RALGAPA2: variants seen among roughly 807,000 people sequenced by gnomAD.
RALGAPA2 encodes the protein ral GTPase-activating protein subunit alpha-2.
A neutral mutation model predicts 230.4 loss-of-function variants in RALGAPA2; 139 were observed. That is an observed-to-expected ratio of 0.60 (90% CI 0.53 to 0.69). The LOEUF (loss-of-function observed/expected upper bound fraction) is 0.69, where lower values mean the gene tolerates loss of function less well. RALGAPA2 is among the 30% of genes least tolerant of loss of function. RALGAPA2 has a pLI of 0.00. For synonymous variants in RALGAPA2, 847 were observed against 837.8 expected, an observed-to-expected ratio of 1.01 and a Z score of -0.19; for missense variants, 2,163 against 2,276.0, an observed-to-expected ratio of 0.95 and a Z score of 1.01.
chr20:20,549,674 C>T (rs892534541), intron 23 of RALGAPA2, among the ~76,000 whole-genome samples: 2 of 152,142 alleles, frequency 1.3e-5, no homozygotes, highest in Non-Finnish European at 2.9e-5. Context: ...GGAATAACCA[C>T]GTGGTACTCA....
intron 18 of RALGAPA2, among the ~76,000 whole-genome samples, 177 bp downstream of exon 18, chr20:20,589,091 G>A (rs920389848): frequency 2.0e-5 from 3 of 152,048 alleles, no homozygotes; most frequent in Non-Finnish European, 4.4e-5. Context: ...TAATGTGACT[G>A]TAATTTTACA....
intron 23 of RALGAPA2, among the ~76,000 whole-genome samples, chr20:20,570,551 T>C (rs1248589835): frequency 6.6e-6 from 1 of 152,220 alleles, no homozygotes; most frequent in Non-Finnish European, 1.5e-5. Context: ...TAAGAAAACC[T>C]AGTAATAAAA....
chr20:20,514,453 C>A (rs370325347), intron 31 of RALGAPA2, among the ~76,000 whole-genome samples: 1 of 151,882 alleles, frequency 6.6e-6, no homozygotes, highest in South Asian at 2.1e-4. Context: ...CCTCCTCTGC[C>A]GAGATCCTGG....
chr20:20,499,805 C>A (rs569248389), intron 35 of RALGAPA2, among the ~76,000 whole-genome samples: 1 of 152,288 alleles, frequency 6.6e-6, no homozygotes, highest in East Asian at 1.9e-4. Flanking sequence ...GTAATTGGGC[C>A]ATGACTTGAG....
chr20:20,515,576 G>A (rs1024622543), intron 31 of RALGAPA2, among the ~76,000 whole-genome samples: 1 of 152,220 alleles, frequency 6.6e-6, no homozygotes, highest in African/African-American at 2.4e-5. Flanking sequence ...GGTCATGGGA[G>A]AAGGCCTTAA....
intron 1 of RALGAPA2, among the ~76,000 whole-genome samples, chr20:20,688,657 C>T (rs1386319108): frequency 1.3e-5 from 2 of 152,156 alleles, no homozygotes; most frequent in African/African-American, 2.4e-5. Context: ...TCAGTCTCCC[C>T]GACCAGACTG....
Position 20,512,662 on chromosome 20 carries a change from A to G in RALGAPA2, c.4707T>C (p.Ala1569=). Residue 1569 remains alanine, a synonymous_variant, in exon 32 of 40, where the codon GCT becomes GCC. Coordinates refer to ENST00000202677, the MANE Select transcript of RALGAPA2 (RefSeq NM_020343.4). The part of the protein sequence containing the change: ...EIIEVILRQN[A]QEDEYIQSHN... ...GACTCTGGATATACTCATCCTCTTGAGCATTTTGGCGCAAAATGACCTCAA... is the reference window on the plus strand; with the variant it reads ...GACTCTGGATATACTCATCCTCTTGGGCATTTTGGCGCAAAATGACCTCAA... 6.2e-7 allele frequency: 1 copy of G among 1,613,954 alleles called. No individual in the cohort carries two copies. Among genetic ancestry groups the G allele is most frequent in the Non-Finnish European group, 8.5e-7 (1 of 1,179,886 alleles).
At chr20:20,689,591 G>A (rs750997082) in intron 1 of RALGAPA2, among the ~76,000 whole-genome samples, 39 of 152,184 alleles carry the variant, frequency 2.6e-4, no homozygotes, top group Admixed American at 1.2e-3. Context: ...GCAGTGAGCC[G>A]AGATCGCGCC....
intron 3 of RALGAPA2, among the ~76,000 whole-genome samples, chr20:20,666,216 T>C (rs1275493316): frequency 3.3e-5 from 5 of 152,224 alleles, no homozygotes; most frequent in African/African-American, 1.2e-4. Context: ...ATGGGTGTCT[T>C]TGTCAGCTCA....
chr20:20,561,599 T>C (rs1232045944), intron 23 of RALGAPA2, among the ~76,000 whole-genome samples: 2 of 152,228 alleles, frequency 1.3e-5, no homozygotes, highest in Middle Eastern at 3.2e-3. Context: ...ATTATGAAAT[T>C]GTACCCCCTT....
chr20:20,399,662 G>A (rs568384022), intron 38 of RALGAPA2, among the ~76,000 whole-genome samples: 3 of 152,348 alleles, frequency 2.0e-5, no homozygotes, highest in Admixed American at 1.3e-4. Context: ...ATTTAAAGCA[G>A]CACAGGAAAC....
intron 37 of RALGAPA2, among the ~76,000 whole-genome samples, chr20:20,447,992 T>C (rs975057432): frequency 5.9e-5 from 9 of 152,380 alleles, no homozygotes; most frequent in African/African-American, 1.9e-4. Context: ...CTTTTGCTTT[T>C]ATCCTCATGG....
At chr20:20,443,143 T>G (rs16981926) in intron 37 of RALGAPA2, among the ~76,000 whole-genome samples, 1 of 152,236 alleles carries the variant, frequency 6.6e-6, no homozygotes, top group Non-Finnish European at 1.5e-5. Flanking sequence ...TAAAGCTGCA[T>G]AGTTTTTATA....
chr20:20,665,407 A>G (rs1287678712), intron 3 of RALGAPA2, among the ~76,000 whole-genome samples: 3 of 152,214 alleles, frequency 2.0e-5, no homozygotes, highest in Admixed American at 2.0e-4. Flanking sequence ...AACAGATAAC[A>G]ACAAGAATGT....
At chr20:20,477,672 GC>G (rs2061682982) in intron 36 of RALGAPA2, among the ~76,000 whole-genome samples, 1 of 152,022 alleles carries the variant, frequency 6.6e-6, no homozygotes, top group Non-Finnish European at 1.5e-5. Context: ...AGCAACCTCC[GC>G]CTCCCCGGTT....
chr20:20,436,554 C>T (rs938000714), intron 37 of RALGAPA2, among the ~76,000 whole-genome samples: 3 of 152,176 alleles, frequency 2.0e-5, no homozygotes, highest in Non-Finnish European at 2.9e-5. Context: ...TGCCATCAGC[C>T]GGTCCTGGGC....
chr20:20,518,444 A>T lies in RALGAPA2; in HGVS notation c.4084+2473T>A, dbSNP rs60541842. Among the ~76,000 whole-genome samples, 36 of 152,276 alleles carry T rather than the reference A, an allele frequency of 2.4e-4. No homozygotes were observed. The East Asian group carries it at 3.1e-3, about 13-fold the overall frequency. ...TCAAATTTGAGCTCTTTCTTGCTTA[A>T]CCTAAAATACCCACGCTATCACCTT... On this transcript the variant is annotated intron_variant, in intron 31 of 39. Transcript: ENST00000202677.
chr20:20,497,193 C>T (rs1252773746), intron 35 of RALGAPA2, among the ~76,000 whole-genome samples: 1 of 152,190 alleles, frequency 6.6e-6, no homozygotes, highest in East Asian at 1.9e-4. Flanking sequence ...TTCTCCATTC[C>T]TATATTTGCT....
chr20:20,580,142 T>C (rs2064943819), intron 20 of RALGAPA2, among the ~76,000 whole-genome samples: 1 of 152,156 alleles, frequency 6.6e-6, no homozygotes, highest in African/African-American at 2.4e-5. Context: ...TAAATGACAA[T>C]ACTGATTCTT....
Sources: allele counts gnomAD v4.1 joint callset (sites outside exome capture counted in the v4.1 genomes callset), GRCh38; gene constraint gnomAD v4.1.1; transcripts MANE v1.5; gene names NCBI Gene and HGNC (gene_info 2026-07-23, HGNC 2026-07-21).